ADAM12: variants seen among roughly 807,000 people sequenced by gnomAD.
ADAM12 encodes the protein disintegrin and metalloproteinase domain-containing protein 12.
ADAM12 carries 70 observed loss-of-function variants against 106.4 expected under a neutral mutation model. That is an observed-to-expected ratio of 0.66 (90% CI 0.54 to 0.80). The LOEUF (loss-of-function observed/expected upper bound fraction) is 0.80. ADAM12 is among the 30% of genes least tolerant of loss of function. The pLI, the probability that ADAM12 is intolerant of heterozygous loss-of-function variation, is 0.00. For synonymous variants in ADAM12, 420 were observed against 433.5 expected (o/e 0.97, Z 0.39); for missense variants, 1,010 against 1,171.9 (o/e 0.86, Z 2.02).
At chr10:126,115,538 A>G (rs1955965525) in intron 6 of ADAM12, among the ~76,000 whole-genome samples, 1 of 152,164 alleles carries the variant, frequency 6.6e-6, no homozygotes, top group Non-Finnish European at 1.5e-5. Flanking sequence ...TAAAAATGAC[A>G]AACAATAGCT....
intron 6 of ADAM12, among the ~76,000 whole-genome samples, chr10:126,113,289 G>A (rs374486319): frequency 1.3e-3 from 201 of 152,202 alleles, no homozygotes; most frequent in African/African-American, 4.7e-3. Flanking sequence ...GATGGGGACA[G>A]GACACTGGGG....
intron 11 of ADAM12, among the ~76,000 whole-genome samples, chr10:126,079,210 TATGTAATCCA>T (rs938276789): frequency 6.6e-6 from 1 of 151,232 alleles, no homozygotes; most frequent in African/African-American, 2.4e-5. Flanking sequence ...CACTTCGAAA[TATGTAATCCA>T]ATGTTTTTTT....
intron 1 of ADAM12, among the ~76,000 whole-genome samples, chr10:126,333,197 C>T (rs140717105): frequency 3.9e-5 from 6 of 152,332 alleles, no homozygotes; most frequent in East Asian, 1.9e-4. Flanking sequence ...CTCCTGGCAG[C>T]GCTGAGTTTC....
intron 4 of ADAM12, among the ~76,000 whole-genome samples, chr10:126,148,877 C>G (rs1223597211): frequency 6.6e-6 from 1 of 151,662 alleles, no homozygotes; most frequent in Non-Finnish European, 1.5e-5. Flanking sequence ...CCAAAAGCCT[C>G]AGGACCCATT....
intron 3 of ADAM12, among the ~76,000 whole-genome samples, chr10:126,251,397 C>G (rs1416800667): frequency 7.0e-6 from 1 of 143,286 alleles, no homozygotes; most frequent in Non-Finnish European, 1.5e-5. Context: ...AGAACTTGCC[C>G]AAGGTCACTG....
chr10:126,340,424 C>G (rs1031088986), intron 1 of ADAM12, among the ~76,000 whole-genome samples: 1 of 152,222 alleles, frequency 6.6e-6, no homozygotes, highest in Non-Finnish European at 1.5e-5. Context: ...TTATCCCCAT[C>G]TCATAGATGA....
intron 2 of ADAM12, among the ~76,000 whole-genome samples, chr10:126,304,128 C>T (rs566781427): frequency 1.3e-4 from 20 of 152,102 alleles, no homozygotes; most frequent in Admixed American, 8.5e-4. Flanking sequence ...TCTGTGATTA[C>T]GATGAAACAC....
intron 1 of ADAM12, among the ~76,000 whole-genome samples, chr10:126,340,691 G>A (rs186769916): frequency 2.1e-4 from 31 of 150,592 alleles, no homozygotes; most frequent in Non-Finnish European, 3.2e-4. Context: ...CCCCTTAATA[G>A]TGCTCAGCTA....
intron 21 of ADAM12, among the ~76,000 whole-genome samples, chr10:126,022,825 T>C (rs1028265572): frequency 6.6e-6 from 1 of 152,234 alleles, no homozygotes; most frequent in Admixed American, 6.5e-5. Flanking sequence ...CTTAACTTCT[T>C]CCAGATATTG....
At chr10:126,163,730 C>T (rs117240889) in intron 3 of ADAM12, among the ~76,000 whole-genome samples, 1,797 of 152,318 alleles carry the variant, frequency 0.012, 12 homozygotes, top group Non-Finnish European at 0.017. Flanking sequence ...GATTCTGTAA[C>T]AAGACTTTCC....
chr10:126,358,700 A>G (rs984867650), intron 1 of ADAM12, among the ~76,000 whole-genome samples: 2 of 152,218 alleles, frequency 1.3e-5, no homozygotes, highest in Non-Finnish European at 2.9e-5. Context: ...AAGAAGTAAA[A>G]TTGTTGCTGT....
Position 126,319,763 on chromosome 10 carries a change from A to G in ADAM12, c.186+10649T>C, listed in dbSNP as rs755832412. On this transcript the variant is annotated intron_variant, in intron 2 of 22. Transcript: ENST00000448723. ...TGTGACAAGTGTAACAACAGGGGAG[A>G]CTTGGTGTGAGGTACATGAGAACCA... Among the ~76,000 whole-genome samples, 9 of 152,156 alleles carry G rather than the reference A, an allele frequency of 5.9e-5. No individual in the cohort carries two copies. In the South Asian group the frequency reaches 1.0e-3, roughly 18 times the overall value.
At chr10:126,042,011 T>A in intron 18 of ADAM12, 2 of 1,463,592 alleles carry the variant, frequency 1.4e-6, no homozygotes, top group Non-Finnish European at 9.0e-7. Context: ...CTGTGTTGTG[T>A]CTGTTGTCAT....
At chr10:126,290,184 C>T (rs1170620231) in intron 2 of ADAM12, among the ~76,000 whole-genome samples, 1 of 152,180 alleles carries the variant, frequency 6.6e-6, no homozygotes, top group Non-Finnish European at 1.5e-5. Flanking sequence ...CCGCCCTCAA[C>T]CGCCAGCAAG....
intron 1 of ADAM12, among the ~76,000 whole-genome samples, chr10:126,361,643 G>A (rs1855749818): frequency 6.6e-6 from 1 of 152,068 alleles, no homozygotes; most frequent in Admixed American, 6.6e-5. Context: ...AACATATACG[G>A]TCAATTGATT....
At chr10:126,324,283 G>A (rs1854212355) in intron 2 of ADAM12, among the ~76,000 whole-genome samples, 1 of 152,248 alleles carries the variant, frequency 6.6e-6, no homozygotes, top group East Asian at 1.9e-4. Flanking sequence ...CTTAAGTGGT[G>A]CTTCAAGAAT....
chr10:126,283,125 T>A (rs762715009), intron 2 of ADAM12, among the ~76,000 whole-genome samples: 1 of 152,034 alleles, frequency 6.6e-6, no homozygotes, highest in Non-Finnish European at 1.5e-5. Flanking sequence ...CAGTTCACAA[T>A]AGGGTTTGTG....
chr10:126,318,035 A>G (rs1853947386), intron 2 of ADAM12, among the ~76,000 whole-genome samples: 1 of 152,188 alleles, frequency 6.6e-6, no homozygotes, highest in South Asian at 2.1e-4. Context: ...CCTAGAAGCA[A>G]TGACTGCCCA....
intron 3 of ADAM12, among the ~76,000 whole-genome samples, chr10:126,239,124 A>T (rs1958474181): frequency 3.3e-5 from 5 of 152,214 alleles, no homozygotes; most frequent in Admixed American, 3.3e-4. Context: ...GTAAGGGAGA[A>T]CCACTTCCAG....
Sources: allele counts gnomAD v4.1 joint callset (sites outside exome capture counted in the v4.1 genomes callset), GRCh38; gene constraint gnomAD v4.1.1; transcripts MANE v1.5; gene names NCBI Gene and HGNC (gene_info 2026-07-23, HGNC 2026-07-21).